WWOX: variants seen among roughly 807,000 people sequenced by gnomAD.
The protein encoded by WWOX is WW domain containing oxidoreductase.
WWOX carries 69 observed loss-of-function variants against 46.2 expected under a neutral mutation model. The observed-to-expected ratio is 1.49, with a 90% confidence interval of 1.23 to 1.82. The LOEUF is 1.82. Ranked by LOEUF, WWOX falls within the 40% of genes most tolerant of loss-of-function variation. WWOX has a pLI of 0.00. For missense variants in WWOX, 919 were observed against 542.6 expected, an observed-to-expected ratio of 1.69 and a Z score of -6.89; for synonymous variants, 359 against 202.6, an observed-to-expected ratio of 1.77 and a Z score of -6.56.
chr16:78,931,538 G>C (rs1399245835), intron 8 of WWOX, among the ~76,000 whole-genome samples: 1 of 152,192 alleles, frequency 6.6e-6, no homozygotes, highest in African/African-American at 2.4e-5. Context: ...AAGGAGAAAG[G>C]TGAGGATACA....
At chr16:78,293,162 G>T (rs1226220102) in intron 5 of WWOX, among the ~76,000 whole-genome samples, 1 of 152,168 alleles carries the variant, frequency 6.6e-6, no homozygotes, top group Non-Finnish European at 1.5e-5. Flanking sequence ...CATTCTAGCT[G>T]TGTGGCTCCA....
At chr16:78,730,790 G>A (rs935545616) in intron 8 of WWOX, among the ~76,000 whole-genome samples, 1 of 151,912 alleles carries the variant, frequency 6.6e-6, no homozygotes, top group Admixed American at 6.6e-5. Flanking sequence ...GGAAAAAAAA[G>A]TGACACAGTT....
intron 8 of WWOX, among the ~76,000 whole-genome samples, chr16:78,990,724 G>T (rs1020421580): frequency 6.6e-6 from 1 of 152,090 alleles, no homozygotes; most frequent in Non-Finnish European, 1.5e-5. Flanking sequence ...AGGAAGGAGG[G>T]AGGGAGGGAG....
intron 8 of WWOX, among the ~76,000 whole-genome samples, chr16:78,805,026 C>T (rs2050992584): frequency 6.6e-6 from 1 of 152,190 alleles, no homozygotes; most frequent in South Asian, 2.1e-4. Flanking sequence ...GAGCAAAATG[C>T]CCCTTTCTCC....
chr16:78,670,920 A>G (rs1481586369), intron 8 of WWOX, among the ~76,000 whole-genome samples: 1 of 152,122 alleles, frequency 6.6e-6, no homozygotes, highest in Admixed American at 6.6e-5. Context: ...TAGCAGAGAC[A>G]GAACAGAGAC....
chr16:78,442,340 G>A (rs1597091480), intron 8 of WWOX, among the ~76,000 whole-genome samples: 1 of 151,834 alleles, frequency 6.6e-6, no homozygotes, highest in Non-Finnish European at 1.5e-5. Context: ...TATTACTATC[G>A]TTAACTGTAT....
intron 5 of WWOX, among the ~76,000 whole-genome samples, chr16:78,336,047 A>C (rs2080881373): frequency 6.6e-6 from 1 of 151,382 alleles, no homozygotes; most frequent in African/African-American, 2.4e-5. Context: ...AGCCGAGATC[A>C]GGCCACTGCA....
chr16:78,412,453 G>A (rs1023820065), intron 6 of WWOX, among the ~76,000 whole-genome samples: 2 of 152,184 alleles, frequency 1.3e-5, no homozygotes, highest in African/African-American at 2.4e-5. Flanking sequence ...TGGCGATTTT[G>A]TTCGGAGTCA....
intron 6 of WWOX, among the ~76,000 whole-genome samples, chr16:78,403,841 T>A (rs2082467611): frequency 6.6e-6 from 1 of 152,240 alleles, no homozygotes; most frequent in Non-Finnish European, 1.5e-5. Flanking sequence ...TACTTTTGAC[T>A]TCTTAGCCAT....
chr16:78,760,942 G>C (rs2049777482), intron 8 of WWOX, among the ~76,000 whole-genome samples: 1 of 152,088 alleles, frequency 6.6e-6, no homozygotes, highest in African/African-American at 2.4e-5. Context: ...GCTTGTGCAG[G>C]GAAACTCCGC....
intron 6 of WWOX, among the ~76,000 whole-genome samples, chr16:78,395,039 C>T (rs539234299): frequency 1.3e-5 from 2 of 152,228 alleles, no homozygotes; most frequent in Non-Finnish European, 2.9e-5. Flanking sequence ...CCAGACACAT[C>T]TCACTTTATG....
intron 5 of WWOX, among the ~76,000 whole-genome samples, chr16:78,195,790 C>G (rs1447237891): frequency 7.0e-6 from 1 of 142,530 alleles, no homozygotes; most frequent in Non-Finnish European, 1.5e-5. Context: ...CCACTGCACT[C>G]CGGCCTGGGT....
At chr16:78,463,426 C>T (rs1448917379) in intron 8 of WWOX, among the ~76,000 whole-genome samples, 1 of 152,146 alleles carries the variant, frequency 6.6e-6, no homozygotes, top group African/African-American at 2.4e-5. Context: ...TTCCATGCCT[C>T]GCAGCAAAAT....
intron 8 of WWOX, among the ~76,000 whole-genome samples, chr16:78,958,701 C>T (rs746900261): frequency 6.6e-6 from 1 of 152,148 alleles, no homozygotes; most frequent in African/African-American, 2.4e-5. Context: ...ATATAAATTA[C>T]ATGGTATGTG....
chr16:78,344,992 A>G (rs1166594312), intron 5 of WWOX, among the ~76,000 whole-genome samples: 1 of 120,278 alleles, frequency 8.3e-6, no homozygotes, highest in African/African-American at 2.8e-5. Context: ...TTCCAGGTGA[A>G]AACGGGAGTT....
At chr16:78,246,599 G>C (rs913576992) in intron 5 of WWOX, among the ~76,000 whole-genome samples, 5 of 152,322 alleles carry the variant, frequency 3.3e-5, no homozygotes, top group African/African-American at 7.2e-5. Flanking sequence ...CTTCCATCAA[G>C]TTGGTGAAGC....
chr16:78,923,752 A>G (rs74032436), intron 8 of WWOX, among the ~76,000 whole-genome samples: 3 of 151,134 alleles, frequency 2.0e-5, no homozygotes, highest in Non-Finnish European at 4.4e-5. Context: ...CAAGTTTCAC[A>G]AGTGATGATC....
At chr16:78,455,019 G>T (rs74028006) in intron 8 of WWOX, among the ~76,000 whole-genome samples, 18,265 of 152,194 alleles carry the variant, frequency 0.12, 1,716 homozygotes, top group African/African-American at 0.25. Context: ...GCAAAAATGA[G>T]CAAGGTGTTC....
chr16:78,941,920 T>C (rs1298249870), intron 8 of WWOX, among the ~76,000 whole-genome samples: 1 of 152,186 alleles, frequency 6.6e-6, no homozygotes, highest in Non-Finnish European at 1.5e-5. Context: ...AGTTCTTTGG[T>C]TTTATTTTTT....
Sources: gnomAD v4.1 joint callset for allele counts (sites outside exome capture counted in the v4.1 genomes callset) on GRCh38, gnomAD v4.1.1 for gene constraint, MANE v1.5 for transcripts, NCBI Gene and HGNC (gene_info 2026-07-23, HGNC 2026-07-21) for gene names.